The following ARHGAP35 variants were observed in gnomAD, a reference collection of about 807,000 sequenced individuals.
The protein encoded by ARHGAP35 is Rho GTPase activating protein 35.
ARHGAP35 carries 15 observed loss-of-function variants against 111.1 expected under a neutral mutation model. The observed-to-expected ratio is 0.13, with a 90% CI of 0.09 to 0.21. ARHGAP35 has a LOEUF of 0.21. ARHGAP35 is among the 10% of genes least tolerant of loss of function. ARHGAP35 has a pLI of 1.00. For missense variants in ARHGAP35, 1,262 were observed against 1,873.0 expected, an observed-to-expected ratio of 0.67 and a Z score of 6.02; for synonymous variants, 643 against 710.3, an observed-to-expected ratio of 0.91 and a Z score of 1.51.
rs2056688844 is a variant in ARHGAP35, at chr19:46,993,269, G to A, written c.4036+3594G>A. 6.6e-6 allele frequency among the ~76,000 whole-genome samples: 1 copy of A among 152,224 alleles called. No homozygotes were observed. The highest frequency in any genetic ancestry group is 1.5e-5 in the Non-Finnish European group (1 of 68,022). ...CGGACGAGCCTGCGTGATCACTGAA[G>A]GGCTGTGACCTTGAGCCGGGCTTTC... On this transcript the variant is annotated intron_variant, in intron 5 of 6. Coordinates refer to ENST00000672722, the MANE Select transcript of ARHGAP35 (RefSeq NM_004491.5). This position sits in a 1 kb window ranked among gnomAD's most constrained non-coding sequence, Gnocchi z 4.6.
At chr19:46,881,754 C>G (rs1173872290) in intron 1 of ARHGAP35, among the ~76,000 whole-genome samples, 2 of 152,206 alleles carry the variant, frequency 1.3e-5, no homozygotes, top group South Asian at 2.1e-4. Context: ...TCAGCCTGTC[C>G]TGTGGAGCTT....
intron 3 of ARHGAP35, among the ~76,000 whole-genome samples, chr19:46,959,343 C>G (rs1247164594): frequency 1.3e-5 from 2 of 151,540 alleles, no homozygotes; most frequent in Admixed American, 6.6e-5. Context: ...GTGTGAGCCA[C>G]CACACCTAGC....
In ARHGAP35 at chr19:47,004,921, G is replaced by C. The variant is rs2122379728; in HGVS notation, c.*4233G>C. 6.6e-6 allele frequency: 1 copy of C among 152,276 alleles called. No individual in the cohort carries two copies. Among genetic ancestry groups the C allele is most frequent in the South Asian group, 2.1e-4 (1 of 4,826 alleles). The allele number at this position is 152,276 out of a possible 1,614,324, so 9.4% of individuals were successfully genotyped here. A position where few individuals can be genotyped will look rare whatever the true frequency, so the allele number is the denominator to read the frequency against. Reference sequence around the variant, plus strand: ...ATGGTCAGCCCTCAATGAAGGCTGAGGCATCTCTGACTGAGGTGTTTTTGT... The same window carrying C: ...ATGGTCAGCCCTCAATGAAGGCTGACGCATCTCTGACTGAGGTGTTTTTGT... On this transcript the variant is annotated 3_prime_UTR_variant, in exon 7 of 7. Coordinates refer to ENST00000672722, the MANE Select transcript of ARHGAP35 (RefSeq NM_004491.5).
intron 1 of ARHGAP35, among the ~76,000 whole-genome samples, chr19:46,896,605 A>T (rs867818880): frequency 6.6e-5 from 10 of 152,172 alleles, no homozygotes; most frequent in African/African-American, 1.4e-4. Context: ...GTTTTTGTCC[A>T]TTCTGGCTTT....
At chr19:46,907,478 TTTTGTTTGTTTG>T (rs56161001) in intron 1 of ARHGAP35, among the ~76,000 whole-genome samples, 11 of 147,602 alleles carry the variant, frequency 7.5e-5, no homozygotes, top group South Asian at 6.5e-4. Flanking sequence ...TAGCTTCTTT[TTTTGTTTGTTTG>T]TTTGTTTGTT....
chr19:46,916,169 C>T (rs2056162232), intron 1 of ARHGAP35, among the ~76,000 whole-genome samples: 1 of 152,000 alleles, frequency 6.6e-6, no homozygotes, highest in Non-Finnish European at 1.5e-5. Flanking sequence ...CTCCTGACCT[C>T]GTGATGCATC....
intron 2 of ARHGAP35, among the ~76,000 whole-genome samples, chr19:46,936,140 G>A (rs1220227312): frequency 6.6e-6 from 1 of 152,170 alleles, no homozygotes; most frequent in Admixed American, 6.5e-5. Context: ...GCTTTGGGAT[G>A]CTGAGGTAGG....
intron 1 of ARHGAP35, among the ~76,000 whole-genome samples, chr19:46,886,543 GTAT>G (rs1461034727): frequency 1.3e-5 from 2 of 152,092 alleles, no homozygotes; most frequent in Non-Finnish European, 2.9e-5. Context: ...GTTAATAGTT[GTAT>G]TTTTTAACTG....
intron 3 of ARHGAP35, among the ~76,000 whole-genome samples, chr19:46,963,824 C>T (rs1490547540): frequency 1.3e-5 from 2 of 152,166 alleles, no homozygotes; most frequent in East Asian, 3.9e-4. Flanking sequence ...CCAGCAGATG[C>T]CATGCTGTAT....
At chr19:46,983,514 A>G (rs1440191051) in intron 3 of ARHGAP35, among the ~76,000 whole-genome samples, 2 of 151,098 alleles carry the variant, frequency 1.3e-5, no homozygotes, top group Non-Finnish European at 2.9e-5. Flanking sequence ...GTGAGAGGAG[A>G]TTCAAAAATT....
At chr19:46,961,022 G>A (rs2056479126) in intron 3 of ARHGAP35, among the ~76,000 whole-genome samples, 3 of 151,942 alleles carry the variant, frequency 2.0e-5, no homozygotes, top group African/African-American at 7.3e-5. Context: ...AGCCTCCTGA[G>A]TAGCTGGGAT....
chr19:46,882,532 G>A (rs1409717696), intron 1 of ARHGAP35, among the ~76,000 whole-genome samples: 2 of 152,034 alleles, frequency 1.3e-5, no homozygotes, highest in African/African-American at 2.4e-5. Context: ...TGTGCAGAAC[G>A]TGCAGATTTG....
Position 46,931,893 on chromosome 19 carries a change from G to A in ARHGAP35, c.3682-5371G>A, listed in dbSNP as rs534041420. On this transcript the variant is annotated intron_variant, in intron 2 of 6. Transcript: ENST00000672722. Reference sequence around the variant, plus strand: ...TAAATAACCCTTACCTTGCAGAGTGGTCGTGAAGTTTTGAATAATTGTGCA... The same window carrying A: ...TAAATAACCCTTACCTTGCAGAGTGATCGTGAAGTTTTGAATAATTGTGCA... Among the ~76,000 whole-genome samples, 132 of 152,308 alleles carry A rather than the reference G, an allele frequency of 8.7e-4. 5 individuals carry two copies. The South Asian group carries it at 0.026, about 30-fold the overall frequency.
intron 3 of ARHGAP35, among the ~76,000 whole-genome samples, chr19:46,975,858 G>A (rs559611799): frequency 1.4e-4 from 21 of 152,322 alleles, no homozygotes; most frequent in South Asian, 6.2e-4. Flanking sequence ...TTGGCGGGAC[G>A]AGAGCTGTTA....
At chr19:46,943,172 T>C (rs571461136) in intron 3 of ARHGAP35, among the ~76,000 whole-genome samples, 1 of 152,282 alleles carries the variant, frequency 6.6e-6, no homozygotes, top group African/African-American at 2.4e-5. Context: ...TCCTGAGTGC[T>C]ACAGGCATGC....
chr19:46,875,524 C>G (rs2055913900), intron 1 of ARHGAP35, among the ~76,000 whole-genome samples: 1 of 152,128 alleles, frequency 6.6e-6, no homozygotes, highest in South Asian at 2.1e-4. Context: ...AAGAAACTTT[C>G]CTATTGTTAG....
rs1256161315 is a variant in ARHGAP35 at position 46,926,399 on chromosome 19, T to A, written c.3681+4043T>A. On this transcript the variant is annotated intron_variant, in intron 2 of 6. Transcript: ENST00000672722. This position sits in a 1 kb window ranked among gnomAD's most constrained non-coding sequence, Gnocchi z 4.1. ...GAATAGTGGCTTTGTCTGTAAAGAG[T>A]TGTTGTTGCACATGGTCTCTGTCTC... 6.6e-6 allele frequency among the ~76,000 whole-genome samples: 1 copy of A among 151,934 alleles called. No individual in the cohort carries two copies. The highest frequency in any genetic ancestry group is 2.4e-5 in the African/African-American group (1 of 41,348).
intron 5 of ARHGAP35, chr19:46,997,741 C>G (rs1378380732): frequency 6.6e-6 from 1 of 152,182 alleles, no homozygotes; most frequent in Non-Finnish European, 1.5e-5. Context: ...TGCAACTCCC[C>G]CAACTCTGAC....
In ARHGAP35 at chr19:47,000,710, A is replaced by C. The variant is rs754897563; in HGVS notation, c.*22A>C. Reference sequence around the variant, plus strand: ...GTGAGCCACCAAGACCTGGGGCGACAGGAGAACCGGTCCTCTCTCTGACGG... The same window carrying C: ...GTGAGCCACCAAGACCTGGGGCGACCGGAGAACCGGTCCTCTCTCTGACGG... On this transcript the variant is annotated 3_prime_UTR_variant, in exon 7 of 7. Coordinates refer to ENST00000672722, the MANE Select transcript of ARHGAP35 (RefSeq NM_004491.5). The surrounding 1 kb of genome is among the most constrained non-coding windows in gnomAD (Gnocchi z 6.9). 3.9e-6 allele frequency: 6 copies of C among 1,545,710 alleles called. No homozygotes were observed. In the South Asian group the frequency reaches 6.2e-5, roughly 16 times the overall value.
Sources: gnomAD v4.1 joint callset for allele counts (sites outside exome capture counted in the v4.1 genomes callset) on GRCh38, gnomAD v4.1.1 for gene constraint, Gnocchi (gnomAD v3.1) non-coding constraint, MANE v1.5 for transcripts, NCBI Gene and HGNC (gene_info 2026-07-23, HGNC 2026-07-21) for gene names.